Variants in MYO5A observed in about 807,000 individuals in gnomAD.
The protein encoded by MYO5A is unconventional myosin-Va.
Under a neutral mutation model 249.7 loss-of-function variants are expected in MYO5A, and 98 were observed. The observed-to-expected ratio is 0.39, with a 90% CI of 0.33 to 0.46. The LOEUF (loss-of-function observed/expected upper bound fraction) is 0.46. Among genes scored for constraint, MYO5A ranks in the 20% least tolerant of loss-of-function variants. The pLI, the probability that MYO5A is intolerant of heterozygous loss-of-function variation, is 0.98. For missense variants in MYO5A, 1,696 were observed against 2,308.8 expected (o/e 0.73, Z 5.44); for synonymous variants, 778 against 810.6 (o/e 0.96, Z 0.68).
chr15:52,418,378 G>A (rs1272720727), intron 4 of MYO5A, among the ~76,000 whole-genome samples: 3 of 152,162 alleles, frequency 2.0e-5, no homozygotes, highest in Non-Finnish European at 4.4e-5. Context: ...GCTACAATGT[G>A]CTAATCACTT....
At chr15:52,491,000 T>A (rs1344462435) in intron 1 of MYO5A, among the ~76,000 whole-genome samples, 2 of 152,102 alleles carry the variant, frequency 1.3e-5, no homozygotes, top group South Asian at 4.1e-4. Context: ...GGATTATAGG[T>A]GTGAGCACCA....
chr15:52,505,980 G>T, intron 1 of MYO5A: 1 of 856,640 alleles, frequency 1.2e-6, no homozygotes, highest in South Asian at 1.8e-5. Flanking sequence ...TTGGGAGGCT[G>T]AGGAGGGCAG....
chr15:52,449,867 A>G (rs2075977762), intron 1 of MYO5A, among the ~76,000 whole-genome samples: 1 of 152,128 alleles, frequency 6.6e-6, no homozygotes, highest in East Asian at 1.9e-4. Context: ...CAGGTGTGAT[A>G]GCACATGCCT....
intron 9 of MYO5A, among the ~76,000 whole-genome samples, chr15:52,403,409 G>A (rs1411179737): frequency 6.6e-6 from 1 of 152,108 alleles, no homozygotes. Flanking sequence ...GTATTGACAC[G>A]TGCTACAACA....
rs951681507 is a variant in MYO5A at position 52,479,057 on chromosome 15, G to A, written c.28-45772C>T. ...GTCACCCAGGCTGGAGTGCAGTGGCGTGATCTCAGCTCACTGTAACCTCTG... is the reference window on the plus strand; with the variant it reads ...GTCACCCAGGCTGGAGTGCAGTGGCATGATCTCAGCTCACTGTAACCTCTG... On this transcript the variant is annotated intron_variant, in intron 1 of 41. Coordinates refer to ENST00000399233, the MANE Select transcript of MYO5A (RefSeq NM_001382347.1). Among the ~76,000 whole-genome samples the A allele has an allele frequency of 4.0e-5, 6 of 151,702 alleles. No individual in the cohort carries two copies. In the South Asian group the frequency reaches 6.2e-4, roughly 16 times the overall value.
intron 9 of MYO5A, among the ~76,000 whole-genome samples, chr15:52,398,098 CTGAA>C (rs386783976): frequency 0.16 from 24,031 of 152,000 alleles, 1,923 homozygotes; most frequent in Middle Eastern, 0.22. Flanking sequence ...AGGATTGAAG[CTGAA>C]TGAGGGAGAA....
At chr15:52,460,672 A>T (rs2141410976) in intron 1 of MYO5A, among the ~76,000 whole-genome samples, 1 of 152,236 alleles carries the variant, frequency 6.6e-6, no homozygotes, top group Middle Eastern at 3.4e-3. Flanking sequence ...GGCGAGGGCG[A>T]GGGCGAGGCT....
intron 1 of MYO5A, among the ~76,000 whole-genome samples, chr15:52,443,416 A>G (rs919052693): frequency 6.6e-6 from 1 of 152,202 alleles, no homozygotes; most frequent in Non-Finnish European, 1.5e-5. Context: ...TCTGCAAGTT[A>G]CCTTGCATAT....
intron 4 of MYO5A, among the ~76,000 whole-genome samples, chr15:52,425,441 C>A (rs754487023): frequency 6.6e-6 from 1 of 152,118 alleles, no homozygotes; most frequent in Non-Finnish European, 1.5e-5. Flanking sequence ...CTCACTGCAA[C>A]CTCTGTCTCC....
intron 1 of MYO5A, among the ~76,000 whole-genome samples, chr15:52,524,884 TA>T (rs34875609): frequency 1.4e-5 from 2 of 138,140 alleles, no homozygotes; most frequent in African/African-American, 5.3e-5. Context: ...AATAAAAAAT[TA>T]AAAAAAAAAA....
chr15:52,359,986 G>T lies in MYO5A; in HGVS notation c.3405C>A (p.Asp1135Glu), dbSNP rs1182004906. The T allele has an allele frequency of 6.2e-7, 1 of 1,609,768 alleles. No individual in the cohort carries two copies. Reference protein sequence around the residue: ...IFSSEIAEMEDIPSRTEEPSE... With the variant: ...IFSSEIAEMEEIPSRTEEPSE... Reference sequence around the variant, plus strand: ...ACTGTACCTCTGTCCTTGATGGAATGTCTTCCATTTCTGCAATTTCAGAGC... The same window carrying T: ...ACTGTACCTCTGTCCTTGATGGAATTTCTTCCATTTCTGCAATTTCAGAGC... The change falls in exon 25 of 42, where the codon GAC becomes GAA. Residue 1135 changes from aspartate to glutamate, a missense_variant. Around this residue, in one of 5 missense-constraint regions of MYO5A, gnomAD observed 412 missense variants for 453.3 expected, o/e 0.91. Transcript: ENST00000399233.
At chr15:52,528,960 G>T, upstream of MYO5A, 1 of 494,128 alleles carries the variant, frequency 2.0e-6, no homozygotes. Context: ...GGGGCGGGGC[G>T]GGGCGCCTCA....
chr15:52,473,039 T>C (rs1003563618), intron 1 of MYO5A, among the ~76,000 whole-genome samples: 7 of 152,238 alleles, frequency 4.6e-5, no homozygotes, highest in Admixed American at 3.3e-4. Flanking sequence ...TTTCTCCACA[T>C]TCTCTCCGGC....
At chr15:52,528,667 T>C (rs2077768960) in intron 1 of MYO5A, 113 bp downstream of exon 1, 12 of 1,243,160 alleles carry the variant, frequency 9.7e-6, no homozygotes, top group Non-Finnish European at 1.3e-5. Context: ...CTGAAGGGGA[T>C]GGCGCTGGTG....
chr15:52,407,897 CTCT>C (rs1226683175), intron 7 of MYO5A, among the ~76,000 whole-genome samples, 159 bp downstream of exon 7: 4 of 152,180 alleles, frequency 2.6e-5, no homozygotes, highest in African/African-American at 9.6e-5. Context: ...CTTACTCCTC[CTCT>C]ACCCCTATGG....
chr15:52,449,977 G>A (rs1484417343), intron 1 of MYO5A, among the ~76,000 whole-genome samples: 1 of 152,090 alleles, frequency 6.6e-6, no homozygotes, highest in African/African-American at 2.4e-5. Flanking sequence ...ACTCTAGCCT[G>A]AGCGACAGGG....
chr15:52,450,855 T>TTGTTTTTTG lies in MYO5A; in HGVS notation c.28-17571_28-17570insCAAAAAACA, dbSNP rs60823450. 8.2e-3 allele frequency among the ~76,000 whole-genome samples: 1,185 copies of TTGTTTTTTG among 144,444 alleles called. 16 individuals are homozygous for TTGTTTTTTG. Among genetic ancestry groups the TTGTTTTTTG allele is most frequent in the African/African-American group, 0.029 (1,130 of 38,818 alleles). 94.8% of individuals were successfully genotyped at this position (144,444 alleles called of 152,430 possible). On this transcript the variant is annotated intron_variant, in intron 1 of 41. Coordinates refer to ENST00000399233, the MANE Select transcript of MYO5A (RefSeq NM_001382347.1). ...TTGCACTACTGTGGTTTTTTTTTTTTTTTTTTTTTTGTGACAGGGTCTCAC... is the reference window on the plus strand; with the variant it reads ...TTGCACTACTGTGGTTTTTTTTTTTTTGTTTTTTGTTTTTTTTTTGTGACAGGGTCTCAC...
chr15:52,317,593 G>A (rs2038086204), intron 39 of MYO5A, among the ~76,000 whole-genome samples: 1 of 152,240 alleles, frequency 6.6e-6, no homozygotes, highest in African/African-American at 2.4e-5. Flanking sequence ...GAGCTGGGTT[G>A]CTGTTGCAGG....
At chr15:52,371,672 G>C (rs2041123349) in intron 21 of MYO5A, among the ~76,000 whole-genome samples, 1 of 152,026 alleles carries the variant, frequency 6.6e-6, no homozygotes, top group African/African-American at 2.4e-5. Flanking sequence ...AGGATTGCTT[G>C]AGGCAACAGC....
Sources: allele counts gnomAD v4.1 joint callset (sites outside exome capture counted in the v4.1 genomes callset), GRCh38; gene constraint gnomAD v4.1.1; regional missense constraint gnomAD v4.1.1; transcripts MANE v1.5; gene names NCBI Gene and HGNC (gene_info 2026-07-23, HGNC 2026-07-21).